PKIB: variants seen among roughly 807,000 people sequenced by gnomAD.
PKIB encodes the protein cAMP-dependent protein kinase inhibitor beta.
Under a neutral mutation model 4.5 loss-of-function variants are expected in PKIB, and 2 were observed. The ratio of observed to expected loss-of-function variants is 0.44; its 90% CI spans 0.18 to 1.39. The LOEUF (loss-of-function observed/expected upper bound fraction) is 1.39, where lower values mean the gene tolerates loss of function less well. Among genes scored for constraint, PKIB ranks in the 40% most tolerant of loss-of-function variants. The pLI is 0.27. For synonymous variants in PKIB, 38 were observed against 36.0 expected, an observed-to-expected ratio of 1.06 and a Z score of -0.20; for missense variants, 94 against 92.6, an observed-to-expected ratio of 1.02 and a Z score of -0.06.
rs185275047 is a variant in PKIB at position 122,511,987 on chromosome 6, A to T, written c.-248+34048A>T. Among the ~76,000 whole-genome samples, 10 of 152,280 alleles carry T rather than the reference A, an allele frequency of 6.6e-5. No homozygotes were observed. The East Asian group carries it at 1.9e-3, about 29-fold the overall frequency. ...CTCTGAGCATGGGAACATGATGGCA[A>T]TTAGGAGGCTTTCCTCCTCAGAGGC... On this transcript the variant is annotated intron_variant, in intron 2 of 6. Coordinates refer to the PKIB transcript ENST00000392491.
intron 2 of PKIB, among the ~76,000 whole-genome samples, chr6:122,654,781 A>T (rs1168621953): frequency 6.6e-6 from 1 of 152,146 alleles, no homozygotes; most frequent in African/African-American, 2.4e-5. Flanking sequence ...TTTTAACTTC[A>T]TACTATTTCA....
exon 1 of PKIB, chr6:122,472,041 G>T: frequency 1.9e-6 from 1 of 517,606 alleles, no homozygotes; most frequent in African/African-American, 1.9e-5. Context: ...TTAAGAAAAC[G>T]GTGTGAGCAA....
intron 2 of PKIB, among the ~76,000 whole-genome samples, chr6:122,538,991 T>C (rs935235372): frequency 1.1e-4 from 17 of 152,066 alleles, no homozygotes; most frequent in Non-Finnish European, 2.1e-4. Context: ...TTGTCTGTTA[T>C]TGGTGTATAA....
chr6:122,501,834 G>A (rs533352125), intron 2 of PKIB, among the ~76,000 whole-genome samples: 1 of 151,604 alleles, frequency 6.6e-6, no homozygotes, highest in South Asian at 2.1e-4. Flanking sequence ...GCATAGTCAT[G>A]CTGCAAATTT....
At chr6:122,696,779 G>A (rs1340337862) in intron 3 of PKIB, among the ~76,000 whole-genome samples, 7 of 152,216 alleles carry the variant, frequency 4.6e-5, no homozygotes, top group Admixed American at 6.5e-5. Flanking sequence ...GGATCCCTGT[G>A]CACACTGATG....
At chr6:122,689,962 A>G (rs1159881921) in intron 3 of PKIB, among the ~76,000 whole-genome samples, 1 of 152,146 alleles carries the variant, frequency 6.6e-6, no homozygotes, top group African/African-American at 2.4e-5. Flanking sequence ...TATATTTAAA[A>G]TTGTTATATC....
intron 1 of PKIB, among the ~76,000 whole-genome samples, chr6:122,621,264 A>C (rs1775216544): frequency 6.6e-6 from 1 of 152,148 alleles, no homozygotes; most frequent in Non-Finnish European, 1.5e-5. Flanking sequence ...CCCAATCCTT[A>C]TTTATTTTAC....
intron 2 of PKIB, among the ~76,000 whole-genome samples, chr6:122,496,079 G>T (rs1444220570): frequency 6.6e-6 from 1 of 152,100 alleles, no homozygotes; most frequent in Non-Finnish European, 1.5e-5. Context: ...TCACTGTCCA[G>T]TCCTTCACCC....
chr6:122,528,324 A>G (rs1028529387), intron 2 of PKIB, among the ~76,000 whole-genome samples: 3 of 152,130 alleles, frequency 2.0e-5, no homozygotes, highest in Admixed American at 6.5e-5. Flanking sequence ...GCTGGGTCCT[A>G]TGTTTTTTAT....
chr6:122,640,075 G>T (rs902437300), intron 2 of PKIB, among the ~76,000 whole-genome samples: 3 of 152,136 alleles, frequency 2.0e-5, no homozygotes, highest in Admixed American at 1.3e-4. Flanking sequence ...GATAGTACGT[G>T]TCACGGGGCT....
intron 3 of PKIB, among the ~76,000 whole-genome samples, chr6:122,685,377 C>T (rs919341024): frequency 2.0e-5 from 3 of 152,100 alleles, no homozygotes; most frequent in Admixed American, 6.6e-5. Context: ...AATGAGTTTA[C>T]ATCATGCATA....
intron 2 of PKIB, among the ~76,000 whole-genome samples, chr6:122,531,688 G>C (rs9385257): frequency 4.6e-5 from 7 of 151,972 alleles, no homozygotes; most frequent in Non-Finnish European, 7.4e-5. Context: ...TCTGGTAAGG[G>C]TTTCCTAACT....
intron 2 of PKIB, among the ~76,000 whole-genome samples, chr6:122,558,293 G>C (rs1412935209): frequency 6.6e-6 from 1 of 152,084 alleles, no homozygotes; most frequent in African/African-American, 2.4e-5. Flanking sequence ...ACAGTTCCAG[G>C]CTTATATTCT....
intron 2 of PKIB, among the ~76,000 whole-genome samples, chr6:122,534,777 G>A (rs887290771): frequency 1.3e-5 from 2 of 152,214 alleles, no homozygotes; most frequent in Admixed American, 6.5e-5. Flanking sequence ...GACAGGGACC[G>A]CTGTGCCAGG....
At chr6:122,614,140 C>A (rs1232124662) in intron 1 of PKIB, among the ~76,000 whole-genome samples, 2 of 151,988 alleles carry the variant, frequency 1.3e-5, no homozygotes, top group Non-Finnish European at 2.9e-5. Context: ...TGTGACATTG[C>A]CCAAGAGTTG....
intron 2 of PKIB, among the ~76,000 whole-genome samples, chr6:122,536,140 A>G (rs937087279): frequency 2.0e-5 from 3 of 152,072 alleles, no homozygotes; most frequent in Admixed American, 6.6e-5. Flanking sequence ...GAGTTTCACC[A>G]TGGTAGCCAG....
At chr6:122,582,972 G>A (rs1773744937) in intron 2 of PKIB, among the ~76,000 whole-genome samples, 1 of 151,844 alleles carries the variant, frequency 6.6e-6, no homozygotes, top group African/African-American at 2.4e-5. Flanking sequence ...ATCATCTTCT[G>A]AATATTGATT....
intron 2 of PKIB, among the ~76,000 whole-genome samples, chr6:122,574,839 C>G (rs1046727105): frequency 6.6e-6 from 1 of 152,062 alleles, no homozygotes; most frequent in Admixed American, 6.6e-5. Flanking sequence ...TTGGCTTAGG[C>G]AAAGAATTCA....
At chr6:122,637,550 A>G (rs1775972617) in intron 2 of PKIB, among the ~76,000 whole-genome samples, 1 of 152,006 alleles carries the variant, frequency 6.6e-6, no homozygotes, top group African/African-American at 2.4e-5. Flanking sequence ...AGGTCAGGAG[A>G]TTGAGACCAT....
Sources: gnomAD v4.1 joint callset for allele counts (sites outside exome capture counted in the v4.1 genomes callset) on GRCh38, gnomAD v4.1.1 for gene constraint, MANE v1.5 for transcripts, NCBI Gene and HGNC (gene_info 2026-07-23, HGNC 2026-07-21) for gene names.